The following ATP7A variants were observed in gnomAD, a reference collection of about 807,000 sequenced individuals.
ATP7A encodes the protein ATPase copper transporting alpha, also known as copper-transporting ATPase 1.
ATP7A carries 7 observed loss-of-function variants against 83.5 expected under a neutral mutation model. That is an observed-to-expected ratio of 0.08 (90% CI 0.05 to 0.16). The LOEUF (loss-of-function observed/expected upper bound fraction) is 0.16, where lower values mean the gene tolerates loss of function less well. ATP7A is among the 10% of genes least tolerant of loss of function. The pLI, the probability that ATP7A is intolerant of heterozygous loss-of-function variation, is 1.00. For missense variants in ATP7A, 940 were observed against 1,120.8 expected (o/e 0.84, Z 2.30); for synonymous variants, 354 against 395.2 (o/e 0.90, Z 1.24).
intron 2 of ATP7A, chrX:77,975,899 T>C (rs1301904242): frequency 1.8e-5 from 2 of 112,391 alleles, no homozygotes; most frequent in African/African-American, 6.5e-5. Context: ...AATATACTTA[T>C]CATTTTAATG....
At chrX:78,045,399 A>G (rs1557238972) in intron 21 of ATP7A, 71 bp from the exon 22 acceptor site, 34 of 858,212 alleles carry the variant, frequency 4.0e-5, no homozygotes, top group South Asian at 2.0e-5. Context: ...AATGATTTGT[A>G]TGTATGTTAG....
At chrX:77,916,946 A>G (rs2077188697) in intron 1 of ATP7A, among the ~76,000 whole-genome samples, 1 of 111,355 alleles carries the variant, frequency 9.0e-6, no homozygotes, top group Non-Finnish European at 1.9e-5. Context: ...AGTGGCTAGG[A>G]GTATTTGACA....
rs1679824936 is a variant in ATP7A at position 78,049,092 on chromosome X, G to A, written c.*2522G>A. On this transcript the variant is annotated 3_prime_UTR_variant, in exon 23 of 23. Coordinates refer to ENST00000341514, the MANE Select transcript of ATP7A (RefSeq NM_000052.7). ...GCCACATTTGAATCCTCTACCACAA[G>A]TCTTTTTTGCAATCTTGAACTTTCA... The A allele has an allele frequency of 8.9e-6, 1 of 112,004 alleles. No individual in the cohort carries two copies. The highest frequency in any genetic ancestry group is 1.9e-5 in the Non-Finnish European group (1 of 53,164). 9.2% of individuals were successfully genotyped at this position (112,004 alleles called of 1,213,427 possible). A position where few individuals can be genotyped will look rare whatever the true frequency, so the allele number is the denominator to read the frequency against.
At position 78,011,519 on chromosome X, in the gene ATP7A, G is replaced by GTTA. The variant is rs1569549885; in HGVS notation, c.2019_2021dup (p.Val673_Met674insIle). The GTTA allele has an allele frequency of 8.3e-7, 1 of 1,210,405 alleles. No homozygotes were observed. The highest frequency in any genetic ancestry group is 1.1e-6 in the Non-Finnish European group (1 of 894,920). On this transcript the variant is annotated inframe_insertion, in exon 9 of 23. Coordinates refer to ENST00000341514, the MANE Select transcript of ATP7A (RefSeq NM_000052.7). Reference sequence around the variant, plus strand: ...AATGGGGCTGATGATATATATGATGGTTATGGACCACCACTTTGCAACTCT... The same window carrying GTTA: ...AATGGGGCTGATGATATATATGATGGTTATTATGGACCACCACTTTGCAACTCT...
intron 19 of ATP7A, among the ~76,000 whole-genome samples, chrX:78,040,942 A>T (rs782113067): frequency 4.5e-5 from 5 of 111,742 alleles, no homozygotes; most frequent in Non-Finnish European, 9.4e-5. Context: ...TGCTTAGTTC[A>T]TGGGATGCTT....
Position 78,033,497 on chromosome X carries a change from A to G in ATP7A, c.3295-108A>G, listed in dbSNP as rs782079362. On this transcript the variant is annotated intron_variant, in intron 16 of 22. Transcript: ENST00000341514. ...TCCACTGTCAAGTAGGCAATATGTG[A>G]CAATTTTATTATAAACATTTAGAAT... 7.0e-5 allele frequency: 55 copies of G among 784,965 alleles called. No homozygotes were observed. The African/African-American group carries it at 9.7e-4, about 14-fold the overall frequency. 64.7% of individuals were successfully genotyped at this position (784,965 alleles called of 1,213,427 possible).
chrX:77,938,625 T>C (rs1194474864), intron 1 of ATP7A, among the ~76,000 whole-genome samples: 1 of 112,412 alleles, frequency 8.9e-6, no homozygotes, highest in Non-Finnish European at 1.9e-5. Flanking sequence ...GGTAGTGAGC[T>C]GAACCTTTTA....
rs891829463 is a variant in ATP7A at position 78,045,175 on chromosome X, C to T, written c.4124-295C>T. 1.3e-4 allele frequency among the ~76,000 whole-genome samples: 15 copies of T among 111,681 alleles called. No homozygotes were observed. In the East Asian group the frequency reaches 3.6e-3, roughly 27 times the overall value. On this transcript the variant is annotated intron_variant, in intron 21 of 22. Coordinates refer to ENST00000341514, the MANE Select transcript of ATP7A (RefSeq NM_000052.7). ...GAATCACTACAGCCACTTTGGAGAA[C>T]AGCTGAGGAATATCCACGTAAAGTT...
chrX:77,915,194 A>G (rs2149038671), intron 1 of ATP7A, among the ~76,000 whole-genome samples: 1 of 111,383 alleles, frequency 9.0e-6, no homozygotes, highest in East Asian at 2.8e-4. Flanking sequence ...ACGTGCCTGT[A>G]GTCCCAGCTA....
chrX:77,976,876 A>AT (rs782337183), intron 2 of ATP7A, among the ~76,000 whole-genome samples: 589 of 108,441 alleles, frequency 5.4e-3, no homozygotes, highest in Middle Eastern at 0.014. Context: ...CCAAAGGTAG[A>AT]TTTTTTTTTT....
At chrX:77,913,861 GAA>G (rs2077172587) in intron 1 of ATP7A, among the ~76,000 whole-genome samples, 1 of 111,539 alleles carries the variant, frequency 9.0e-6, no homozygotes, top group Non-Finnish European at 1.9e-5. Flanking sequence ...TCTCAAGGAT[GAA>G]AAAAGAGTTT....
intron 1 of ATP7A, among the ~76,000 whole-genome samples, chrX:77,918,108 C>G (rs1463784963): frequency 7.5e-5 from 8 of 106,124 alleles, no homozygotes; most frequent in Non-Finnish European, 1.6e-4. Context: ...GCTTTATTGC[C>G]TAGGCTGGAG....
At position 78,018,276 on chromosome X, in the gene ATP7A, T is replaced by G. The variant is rs2077882100; in HGVS notation, c.2627-1968T>G. ...TCCCAGCACTTTGGGAGGCTGAGGC[T>G]GGTGGATCGCTTAAGGTCTGGAGTT... On this transcript the variant is annotated intron_variant, in intron 12 of 22. Transcript: ENST00000341514. 3.7e-5 allele frequency among the ~76,000 whole-genome samples: 4 copies of G among 107,747 alleles called. No homozygotes were observed. In the South Asian group the frequency reaches 1.7e-3, roughly 45 times the overall value. 93.6% of individuals were successfully genotyped at this position (107,747 alleles called of 115,157 possible). A position where few individuals can be genotyped will look rare whatever the true frequency, so the allele number is the denominator to read the frequency against.
intron 1 of ATP7A, among the ~76,000 whole-genome samples, chrX:77,925,213 T>C (rs192125160): frequency 4.4e-4 from 49 of 112,262 alleles, no homozygotes; most frequent in African/African-American, 1.5e-3. Flanking sequence ...TCATACCATA[T>C]AAATATTTCA....
At chrX:77,984,044 G>A (rs982711328) in intron 2 of ATP7A, among the ~76,000 whole-genome samples, 7 of 111,879 alleles carry the variant, frequency 6.3e-5, no homozygotes, top group African/African-American at 2.3e-4. Context: ...AACAACATTG[G>A]TTCCTAATAA....
chrX:77,931,009 C>CTTTTTTTTTTTTTTTTTTTT (rs11379657), intron 1 of ATP7A, among the ~76,000 whole-genome samples: 4 of 67,263 alleles, frequency 5.9e-5, no homozygotes, highest in Non-Finnish European at 1.1e-4. Context: ...TTTTTTTTAC[C>CTTTTTTTTTTTTTTTTTTTT]TTTTTTTTTA....
At chrX:77,958,391 T>G (rs2077456744) in intron 1 of ATP7A, among the ~76,000 whole-genome samples, 4 of 111,751 alleles carry the variant, frequency 3.6e-5, no homozygotes, top group Non-Finnish European at 7.5e-5. Flanking sequence ...CACCTTTTTT[T>G]GAAAATCAGA....
intron 5 of ATP7A, among the ~76,000 whole-genome samples, chrX:77,998,983 AT>A (rs1193641791): frequency 9.2e-6 from 1 of 109,212 alleles, no homozygotes; most frequent in Non-Finnish European, 1.9e-5. Context: ...GTTGTGTTGG[AT>A]TTTAAGGAAC....
intron 4 of ATP7A, among the ~76,000 whole-genome samples, chrX:77,991,830 TTGG>T (rs2077671453): frequency 3.7e-5 from 4 of 109,577 alleles, no homozygotes; most frequent in Non-Finnish European, 3.8e-5. Flanking sequence ...GAGACCAGCC[TTGG>T]TAACATGATG....
Sources: gnomAD v4.1 joint callset for allele counts (sites outside exome capture counted in the v4.1 genomes callset) on GRCh38, gnomAD v4.1.1 for gene constraint, MANE v1.5 for transcripts, NCBI Gene and HGNC (gene_info 2026-07-23, HGNC 2026-07-21) for gene names.